The following MPRIP variants were observed in gnomAD, a reference collection of about 807,000 sequenced individuals.
MPRIP encodes myosin phosphatase Rho interacting protein, also known as myosin phosphatase Rho-interacting protein.
Under a neutral mutation model 234.9 loss-of-function variants are expected in MPRIP, and 59 were observed. The observed-to-expected ratio is 0.25, with a 90% confidence interval of 0.20 to 0.31. MPRIP has a LOEUF of 0.31. Among genes scored for constraint, MPRIP ranks in the 10% least tolerant of loss-of-function variants. The pLI, the probability that MPRIP is intolerant of heterozygous loss-of-function variation, is 1.00. For synonymous variants in MPRIP, 1,144 were observed against 1,263.9 expected (o/e 0.91, Z 2.01); for missense variants, 2,436 against 3,071.0 (o/e 0.79, Z 4.89).
intron 3 of MPRIP, among the ~76,000 whole-genome samples, chr17:17,098,733 C>T (rs1298228399): frequency 4.6e-5 from 7 of 152,200 alleles, no homozygotes; most frequent in Admixed American, 6.5e-5. Flanking sequence ...GCCCCAGCCA[C>T]GCCTGGTCAG....
intron 17 of MPRIP, 84 bp from the exon 18 acceptor site, chr17:17,172,614 C>G: frequency 9.8e-7 from 1 of 1,025,366 alleles, no homozygotes; most frequent in Non-Finnish European, 1.5e-6. Flanking sequence ...AGGCGCCATC[C>G]CATTGTGTGG....
intron 1 of MPRIP, among the ~76,000 whole-genome samples, chr17:17,045,566 C>A (rs2088319885): frequency 6.6e-6 from 1 of 152,206 alleles, no homozygotes. Flanking sequence ...GTGGCCACAC[C>A]ATGAGCACAT....
intron 2 of MPRIP, chr17:17,077,784 A>T (rs1163931146): frequency 2.1e-6 from 1 of 482,076 alleles, no homozygotes; most frequent in Non-Finnish European, 3.7e-6. Flanking sequence ...CTTCTTATTA[A>T]GCCTCAATCA....
intron 3 of MPRIP, among the ~76,000 whole-genome samples, chr17:17,103,701 C>T (rs2090008352): frequency 1.3e-5 from 2 of 152,168 alleles, no homozygotes; most frequent in African/African-American, 4.8e-5. Flanking sequence ...ATCAGGACAT[C>T]AGGGGTGGGG....
At chr17:17,142,824 C>T in intron 8 of MPRIP, 59 bp downstream of exon 8, 2 of 1,572,788 alleles carry the variant, frequency 1.3e-6, no homozygotes, top group South Asian at 1.2e-5. Flanking sequence ...TCAGCATGCA[C>T]CCCATGCGCC....
chr17:17,156,502 G>A (rs1414039851), intron 13 of MPRIP, among the ~76,000 whole-genome samples: 1 of 152,232 alleles, frequency 6.6e-6, no homozygotes, highest in Non-Finnish European at 1.5e-5. Context: ...AAAATCTCAA[G>A]GAGGCATGAA....
chr17:17,102,036 A>T (rs756290513), intron 3 of MPRIP, among the ~76,000 whole-genome samples: 14 of 147,066 alleles, frequency 9.5e-5, no homozygotes, highest in East Asian at 7.9e-4. Flanking sequence ...TCCTATCTTC[A>T]TTTTTTTTTT....
At chr17:17,159,290 C>T (rs114239058) in intron 14 of MPRIP, among the ~76,000 whole-genome samples, 3,450 of 152,340 alleles carry the variant, frequency 0.023, 101 homozygotes, top group Middle Eastern at 0.085. Flanking sequence ...GTTGCAGGGC[C>T]TAGATGGTTT....
At chr17:17,105,073 T>C (rs1277822380) in intron 3 of MPRIP, among the ~76,000 whole-genome samples, 3 of 152,186 alleles carry the variant, frequency 2.0e-5, no homozygotes, top group Non-Finnish European at 2.9e-5. Flanking sequence ...TTTAGGGTTA[T>C]ATAAACCACA....
chr17:17,160,945 G>A (rs117958467), intron 14 of MPRIP, among the ~76,000 whole-genome samples: 1,546 of 152,334 alleles, frequency 0.01, 9 homozygotes, highest in Non-Finnish European at 0.014. Context: ...GTGCATGTTG[G>A]AACCTTGAGC....
At chr17:17,141,947 T>C (rs1008533750) in intron 7 of MPRIP, 2 of 152,342 alleles carry the variant, frequency 1.3e-5, no homozygotes, top group Non-Finnish European at 2.9e-5. Context: ...TGGTTCACCA[T>C]TATTTGATTT....
At position 17,137,958 on chromosome 17, in the gene MPRIP, A is replaced by G. The variant is rs1404258814; in HGVS notation, c.779A>G (p.Lys260Arg). 1.9e-6 allele frequency: 3 copies of G among 1,612,568 alleles called. No individual in the cohort carries two copies. Among genetic ancestry groups the G allele is most frequent in the South Asian group, 1.1e-5 (1 of 90,986 alleles). ...AGCGACCGCATGGACTGTGGCCGCAAAGTCCGGGTGGAGAGCGGCTACTTC... is the reference window on the plus strand; with the variant it reads ...AGCGACCGCATGGACTGTGGCCGCAGAGTCCGGGTGGAGAGCGGCTACTTC... ...MSSDRMDCGRKVRVESGYFSL... is the reference protein window; with the variant it reads ...MSSDRMDCGRRVRVESGYFSL... The change falls in exon 7 of 24, where the codon AAA (lysine) becomes AGA (arginine). Residue 260 changes from lysine (K) to arginine (R), a missense_variant. By Grantham distance (26) the Lys-to-Arg change is conservative. This residue lies in a region of MPRIP where 267 missense variants were observed against 252.7 expected (regional missense o/e 1.06). Transcript: ENST00000651222.
intron 1 of MPRIP, among the ~76,000 whole-genome samples, chr17:17,073,673 C>G (rs1342866337): frequency 3.9e-5 from 6 of 152,106 alleles, no homozygotes; most frequent in Non-Finnish European, 5.9e-5. Context: ...CCGGCTTTCC[C>G]ATGCAAGGCC....
chr17:17,100,508 A>T (rs1222764106), intron 3 of MPRIP, among the ~76,000 whole-genome samples: 3 of 152,102 alleles, frequency 2.0e-5, no homozygotes, highest in African/African-American at 7.2e-5. Context: ...TCCATGGCTT[A>T]TTAGGAACTG....
rs1444836509 is a variant in MPRIP, at chr17:17,172,827, G to A, written c.6590+12G>A. The A allele has an allele frequency of 4.4e-6, 7 of 1,608,040 alleles. No homozygotes were observed. The highest frequency in any genetic ancestry group is 5.9e-6 in the Non-Finnish European group (7 of 1,176,990). On this transcript the variant is annotated intron_variant, in intron 18 of 23. Coordinates refer to ENST00000651222, the MANE Select transcript of MPRIP (RefSeq NM_001364716.4). ...CGGCGCCAGTACCTGTAAGTGGCTG[G>A]GCCTGCCCATCTGCCCTTGGGAGGG...
chr17:17,184,252 C>T lies in MPRIP; in HGVS notation c.7207-571C>T, dbSNP rs536567352. Among the ~76,000 whole-genome samples, 15 of 152,306 alleles carry T rather than the reference C, an allele frequency of 9.8e-5. No individual in the cohort carries two copies. In the South Asian group the frequency reaches 1.7e-3, roughly 17 times the overall value. The stretch of plus-strand genomic sequence containing the variant: ...TTGAAAATCTTACTAGATACGTTGG[C>T]GTGTTCCCACATCCCCATAACACTC... On this transcript the variant is annotated intron_variant, in intron 23 of 23. Transcript: ENST00000651222.
chr17:17,159,144 A>G (rs2045806827), intron 14 of MPRIP, 142 bp downstream of exon 14: 1 of 832,096 alleles, frequency 1.2e-6, no homozygotes, highest in African/African-American at 1.7e-5. Flanking sequence ...ACAGACGCAT[A>G]GATGAGTCCT....
chr17:17,137,869 C>T (rs752301266), intron 6 of MPRIP, 47 bp from the exon 7 acceptor site: 3 of 1,503,732 alleles, frequency 2.0e-6, no homozygotes, highest in African/African-American at 2.9e-5. Context: ...CAAAGCAAAG[C>T]TGCCAGCAGG....
intron 16 of MPRIP, 128 bp downstream of exon 16, chr17:17,168,043 C>T: frequency 1.3e-6 from 1 of 773,310 alleles, no homozygotes; most frequent in South Asian, 1.7e-5. Flanking sequence ...ACTTGCTAGC[C>T]ATGGTGTGGT....
Sources: allele counts gnomAD v4.1 joint callset (sites outside exome capture counted in the v4.1 genomes callset), GRCh38; gene constraint gnomAD v4.1.1; regional missense constraint gnomAD v4.1.1; transcripts MANE v1.5; gene names NCBI Gene and HGNC (gene_info 2026-07-23, HGNC 2026-07-21).